The following SLC25A21 variants were observed in gnomAD, a reference collection of about 807,000 sequenced individuals.
SLC25A21 encodes mitochondrial 2-oxodicarboxylate carrier.
Under a neutral mutation model 43.8 loss-of-function variants are expected in SLC25A21, and 47 were observed. The ratio of observed to expected loss-of-function variants is 1.07; its 90% CI spans 0.85 to 1.37. SLC25A21 has a LOEUF of 1.37. Ranked by LOEUF, SLC25A21 falls within the 40% of genes most tolerant of loss-of-function variation. SLC25A21 has a pLI of 0.00. For synonymous variants in SLC25A21, 131 were observed against 121.3 expected, an observed-to-expected ratio of 1.08 and a Z score of -0.52; for missense variants, 352 against 350.2, an observed-to-expected ratio of 1.00 and a Z score of -0.04.
chr14:37,131,583 A>G (rs1963392265), intron 1 of SLC25A21, among the ~76,000 whole-genome samples: 1 of 152,232 alleles, frequency 6.6e-6, no homozygotes, highest in South Asian at 2.1e-4. Context: ...GTATAAAATA[A>G]TACAATTCAT....
intron 1 of SLC25A21, among the ~76,000 whole-genome samples, chr14:37,077,188 A>G (rs990706048): frequency 6.6e-5 from 10 of 152,164 alleles, no homozygotes; most frequent in Admixed American, 5.9e-4. Context: ...CTATAACTTA[A>G]ACAAGCATTG....
At chr14:36,787,956 T>C (rs1386525123) in intron 3 of SLC25A21, among the ~76,000 whole-genome samples, 6 of 152,192 alleles carry the variant, frequency 3.9e-5, no homozygotes, top group Non-Finnish European at 8.8e-5. Context: ...TGAAATACGG[T>C]ATAGACACTC....
At chr14:36,943,769 G>A (rs939231043) in intron 1 of SLC25A21, among the ~76,000 whole-genome samples, 2 of 152,006 alleles carry the variant, frequency 1.3e-5, no homozygotes, top group Non-Finnish European at 2.9e-5. Flanking sequence ...GGTCAGGAAG[G>A]TTTCGCCAAG....
intron 7 of SLC25A21, among the ~76,000 whole-genome samples, chr14:36,700,966 G>C (rs1361982365): frequency 6.6e-6 from 1 of 152,188 alleles, no homozygotes; most frequent in South Asian, 2.1e-4. Flanking sequence ...AACTGAACAA[G>C]GAGGCAGCTT....
At chr14:37,078,990 C>T (rs1962335556) in intron 1 of SLC25A21, among the ~76,000 whole-genome samples, 1 of 152,096 alleles carries the variant, frequency 6.6e-6, no homozygotes, top group African/African-American at 2.4e-5. Context: ...GAAAGGAAAA[C>T]CCCAGGCTCA....
chr14:37,075,572 C>T (rs1962263120), intron 1 of SLC25A21, among the ~76,000 whole-genome samples: 1 of 152,102 alleles, frequency 6.6e-6, no homozygotes, highest in Non-Finnish European at 1.5e-5. Context: ...TGTGGGCACT[C>T]ACTTTCCATA....
intron 3 of SLC25A21, among the ~76,000 whole-genome samples, chr14:36,790,982 CTTTCT>C (rs909431545): frequency 3.7e-4 from 40 of 106,810 alleles, no homozygotes; most frequent in African/African-American, 1.2e-3. Flanking sequence ...AGCAAAATAT[CTTTCT>C]TTTTTTATTG....
intron 1 of SLC25A21, among the ~76,000 whole-genome samples, chr14:36,889,224 G>A (rs1891010802): frequency 6.6e-6 from 1 of 152,134 alleles, no homozygotes; most frequent in Non-Finnish European, 1.5e-5. Flanking sequence ...TCCTTTTATA[G>A]GCAGCCATAT....
At chr14:36,759,986 T>C (rs1401010935) in intron 3 of SLC25A21, among the ~76,000 whole-genome samples, 4 of 151,922 alleles carry the variant, frequency 2.6e-5, no homozygotes, top group African/African-American at 9.7e-5. Flanking sequence ...TAGAAAGAAA[T>C]TGCTAAGTCC....
intron 3 of SLC25A21, among the ~76,000 whole-genome samples, chr14:36,735,802 TCC>T (rs1226248145): frequency 1.5e-5 from 2 of 131,370 alleles, no homozygotes; most frequent in African/African-American, 3.1e-5. Flanking sequence ...GGGGTTCTTA[TCC>T]CAGAATCCTT....
At chr14:37,114,773 G>C (rs948905585) in intron 1 of SLC25A21, among the ~76,000 whole-genome samples, 5 of 149,346 alleles carry the variant, frequency 3.3e-5, no homozygotes, top group African/African-American at 1.3e-4. Context: ...GTGGTGCAGA[G>C]AGTCATTTTT....
At chr14:36,896,491 T>C (rs1009666669) in intron 1 of SLC25A21, among the ~76,000 whole-genome samples, 11 of 152,254 alleles carry the variant, frequency 7.2e-5, no homozygotes, top group Admixed American at 6.5e-4. Context: ...TGACTCTTTA[T>C]CCAATTTGCC....
chr14:36,863,705 T>A (rs898018611), intron 2 of SLC25A21, among the ~76,000 whole-genome samples: 1 of 152,220 alleles, frequency 6.6e-6, no homozygotes, highest in Non-Finnish European at 1.5e-5. Context: ...CTTCTGCACA[T>A]AATCTTGGGG....
intron 1 of SLC25A21, among the ~76,000 whole-genome samples, chr14:37,060,581 A>T (rs974609243): frequency 6.7e-6 from 1 of 148,254 alleles, no homozygotes; most frequent in African/African-American, 2.5e-5. Flanking sequence ...TTTTTACAAC[A>T]TTAGTTATTG....
chr14:37,002,937 TC>T lies in SLC25A21; in HGVS notation c.71-127934del, dbSNP rs1367599768. 2.6e-5 allele frequency among the ~76,000 whole-genome samples: 4 copies of T among 152,318 alleles called. No individual in the cohort carries two copies. The East Asian group carries it at 7.7e-4, about 29-fold the overall frequency. ...GCATTATCTGCTACAGCTGAATATT[TC>T]TAAGGTTATCAGTAATTCCTCTTCT... On this transcript the variant is annotated intron_variant, in intron 1 of 9. Coordinates refer to ENST00000331299, the MANE Select transcript of SLC25A21 (RefSeq NM_030631.4).
intron 3 of SLC25A21, among the ~76,000 whole-genome samples, chr14:36,784,492 C>T (rs776629688): frequency 5.3e-5 from 8 of 152,240 alleles, no homozygotes; most frequent in East Asian, 1.9e-4. Context: ...TGACCTCACC[C>T]GCCCCAGTGA....
chr14:36,871,119 C>T (rs983398983), intron 2 of SLC25A21, among the ~76,000 whole-genome samples: 2 of 151,990 alleles, frequency 1.3e-5, no homozygotes, highest in Non-Finnish European at 2.9e-5. Flanking sequence ...AATGTTTGTG[C>T]CCCTGCCCCC....
At chr14:36,902,141 A>G (rs1891413480) in intron 1 of SLC25A21, among the ~76,000 whole-genome samples, 1 of 152,256 alleles carries the variant, frequency 6.6e-6, no homozygotes, top group Non-Finnish European at 1.5e-5. Flanking sequence ...TACATGACAC[A>G]TATAACACTA....
intron 1 of SLC25A21, among the ~76,000 whole-genome samples, chr14:36,922,669 T>C (rs1892014758): frequency 1.3e-5 from 2 of 152,114 alleles, no homozygotes; most frequent in Admixed American, 6.6e-5. Context: ...GATGTTCATG[T>C]GCTGTAAATA....
Sources: allele counts gnomAD v4.1 joint callset (sites outside exome capture counted in the v4.1 genomes callset), GRCh38; gene constraint gnomAD v4.1.1; transcripts MANE v1.5; gene names NCBI Gene and HGNC (gene_info 2026-07-23, HGNC 2026-07-21).